The following FLT3 variants were observed in gnomAD, a reference collection of about 807,000 sequenced individuals.
The protein encoded by FLT3 is receptor-type tyrosine-protein kinase FLT3.
Under a neutral mutation model 126.6 loss-of-function variants are expected in FLT3, and 46 were observed. The observed-to-expected ratio is 0.36, with a 90% CI of 0.29 to 0.46. The LOEUF (loss-of-function observed/expected upper bound fraction) is 0.46, where lower values mean the gene tolerates loss of function less well. FLT3 is among the 20% of genes least tolerant of loss of function. The pLI is 1.00. For synonymous variants in FLT3, 404 were observed against 434.4 expected, an observed-to-expected ratio of 0.93 and a Z score of 0.87; for missense variants, 1,069 against 1,190.3, an observed-to-expected ratio of 0.90 and a Z score of 1.50.
intron 23 of FLT3, among the ~76,000 whole-genome samples, chr13:28,011,345 A>AGGGGAGGGGG (rs1871341114): frequency 1.7e-5 from 1 of 57,468 alleles, no homozygotes; most frequent in African/African-American, 6.3e-5. Flanking sequence ...AGGGGAGGGG[A>AGGGGAGGGGG]GGGGAGGGGA....
At chr13:28,047,779 C>T (rs1469972910) in intron 9 of FLT3, among the ~76,000 whole-genome samples, 1 of 151,460 alleles carries the variant, frequency 6.6e-6, no homozygotes, top group Non-Finnish European at 1.5e-5. Context: ...AAGAATCTTG[C>T]ATAGTTTCTC....
At position 28,018,974 on chromosome 13, in the gene FLT3, T is replaced by C. The variant is rs1387766793; in HGVS notation, c.2419-385A>G. ...GAGAAATAGCATCTCTTTTCTTTTTTTTTTTTTTTTGAGACGGAGTTTCAC... is the reference window on the plus strand; with the variant it reads ...GAGAAATAGCATCTCTTTTCTTTTTCTTTTTTTTTTGAGACGGAGTTTCAC... On this transcript the variant is annotated intron_variant, in intron 19 of 23. Coordinates refer to ENST00000241453, the MANE Select transcript of FLT3 (RefSeq NM_004119.3). 1.1e-3 allele frequency among the ~76,000 whole-genome samples: 171 copies of C among 151,066 alleles called. 1 individual carries two copies. The highest frequency in any genetic ancestry group is 3.8e-3 in the African/African-American group (158 of 41,320).
intron 1 of FLT3, among the ~76,000 whole-genome samples, chr13:28,087,879 C>T (rs893270523): frequency 1.3e-5 from 2 of 152,156 alleles, no homozygotes; most frequent in African/African-American, 4.8e-5. Flanking sequence ...TGCTATGTCT[C>T]TTCTTAACAT....
intron 1 of FLT3, among the ~76,000 whole-genome samples, chr13:28,085,269 G>C (rs1326573890): frequency 2.0e-5 from 3 of 147,958 alleles, no homozygotes; most frequent in Admixed American, 7.0e-5. Context: ...ACTTGAGCCG[G>C]GGAGGCAGAG....
Position 28,062,038 on chromosome 13 carries a change from G to C in FLT3, c.197C>G (p.Ala66Gly). 6.2e-7 allele frequency: 1 copy of C among 1,612,480 alleles called. No individual in the cohort carries two copies. The highest frequency in any genetic ancestry group is 1.7e-5 in the Admixed American group (1 of 59,984). Residue 66 changes from alanine to glycine, a missense_variant, in exon 3 of 24, where the codon GCG becomes GGG. Transcript: ENST00000241453. Reference protein sequence around the residue: ...VSESPEDLGCALRPQSSGTVY... With the variant: ...VSESPEDLGCGLRPQSSGTVY... The stretch of plus-strand genomic sequence containing the variant: ...TGTCCCTGAGCTCTGGGGTCTCAAC[G>C]CACACCCGAGGTCTTCCGGGGATTC...
chr13:28,034,072 C>T lies in FLT3; in HGVS notation c.1837+10G>A, dbSNP rs765284994. On this transcript the variant is annotated intron_variant, in intron 14 of 23. Transcript: ENST00000241453. ...ATGCTGCAGAAACATTTGGCACATT[C>T]CATTCTTACCAAACTCTAAATTTTC... 1.4e-5 allele frequency: 22 copies of T among 1,613,670 alleles called. No individual in the cohort carries two copies. In the South Asian group the frequency reaches 1.9e-4, roughly 14 times the overall value.
chr13:28,020,884 C>G (rs367899530), intron 19 of FLT3, among the ~76,000 whole-genome samples: 1 of 151,962 alleles, frequency 6.6e-6, no homozygotes, highest in East Asian at 1.9e-4. Context: ...GACAGTGACA[C>G]GCATGATTCA....
intron 20 of FLT3, among the ~76,000 whole-genome samples, chr13:28,016,667 C>T (rs553355641): frequency 1.3e-5 from 2 of 152,162 alleles, no homozygotes; most frequent in African/African-American, 4.8e-5. Context: ...TAAATGTATG[C>T]AAACTGATGA....
chr13:28,031,206 C>A (rs1394237885), intron 15 of FLT3, among the ~76,000 whole-genome samples: 2 of 151,296 alleles, frequency 1.3e-5, no homozygotes, highest in African/African-American at 2.4e-5. Context: ...CCAGCCTGGG[C>A]GACAGAGTGA....
Position 28,028,260 on chromosome 13 carries a change from T to G in FLT3, c.1971A>C (p.Ala657=), listed in dbSNP as rs1474251469. ...KEKADSSERE[A]LMSELKMMTQ... The stretch of plus-strand genomic sequence containing the variant: ...TCATCATCTTGAGTTCTGACATGAG[T>G]GCCTCTCTTTCAGAGCTGTCTGCTT... The change falls in exon 16 of 24, where the codon GCA becomes GCC. Residue 657 remains alanine (A), a synonymous_variant. Transcript: ENST00000241453. 2 of 1,604,620 alleles carry G rather than the reference T, an allele frequency of 1.2e-6. No homozygotes were observed. Among genetic ancestry groups the G allele is most frequent in the Admixed American group, 3.3e-5 (2 of 59,998 alleles).
intron 9 of FLT3, among the ~76,000 whole-genome samples, chr13:28,047,069 TG>T (rs2137719977): frequency 6.6e-6 from 1 of 152,254 alleles, no homozygotes; most frequent in African/African-American, 2.4e-5. Flanking sequence ...GATCTAGACC[TG>T]TGATAGGAAT....
At chr13:28,016,091 T>C (rs182384571) in intron 20 of FLT3, among the ~76,000 whole-genome samples, 3 of 152,226 alleles carry the variant, frequency 2.0e-5, no homozygotes, top group African/African-American at 7.2e-5. Flanking sequence ...GGAAATGTCA[T>C]CCACAATAAT....
chr13:28,070,790 A>T lies in FLT3; in HGVS notation c.44-178T>A, dbSNP rs142912274. Among the ~76,000 whole-genome samples the T allele has an allele frequency of 1.1e-4, 17 of 152,314 alleles. No individual in the cohort carries two copies. The East Asian group carries it at 3.3e-3, about 29-fold the overall frequency. ...AGTCTAGTTTAAATCAGGAGCAGAG[A>T]TACTTAGAGCAGGGCTGTCCAATAA... On this transcript the variant is annotated intron_variant, in intron 1 of 23. Coordinates refer to ENST00000241453, the MANE Select transcript of FLT3 (RefSeq NM_004119.3).
Position 28,070,598 on chromosome 13 carries a change from T to A in FLT3, c.58A>T (p.Met20Leu). ...QLPLLVVFSAMIFGTITNQDL... is the reference protein window; with the variant it reads ...QLPLLVVFSALIFGTITNQDL... ...TGATTTGTAATAGTCCCAAATATCA[T>A]TGCAGAAAAAACAACTGTAAAACAA... Residue 20 changes from methionine (M) to leucine (L), a missense_variant, in exon 2 of 24, where the codon ATG becomes TTG. Transcript: ENST00000241453. The A allele has an allele frequency of 6.2e-7, 1 of 1,602,504 alleles. No individual in the cohort carries two copies. Among genetic ancestry groups the A allele is most frequent in the South Asian group, 1.1e-5 (1 of 90,690 alleles).
chr13:28,042,220 A>G (rs1874460828), intron 9 of FLT3, among the ~76,000 whole-genome samples: 1 of 149,994 alleles, frequency 6.7e-6, no homozygotes, highest in South Asian at 2.1e-4. Context: ...AGAAAGAAAA[A>G]AAAGTAAAGT....
At chr13:28,012,288 C>A (rs1485735179) in intron 23 of FLT3, among the ~76,000 whole-genome samples, 2 of 152,120 alleles carry the variant, frequency 1.3e-5, no homozygotes, top group South Asian at 2.1e-4. Flanking sequence ...GTTCCTGATA[C>A]CTGACAGGCC....
intron 19 of FLT3, among the ~76,000 whole-genome samples, chr13:28,020,316 T>C (rs1314756237): frequency 6.6e-6 from 1 of 152,180 alleles, no homozygotes; most frequent in African/African-American, 2.4e-5. Context: ...ACACTTATCA[T>C]GCTACAGTGT....
chr13:28,024,348 G>T (rs1429472637), intron 18 of FLT3, among the ~76,000 whole-genome samples: 1 of 151,908 alleles, frequency 6.6e-6, no homozygotes, highest in Admixed American at 6.6e-5. Context: ...GGCCAGGCTG[G>T]TCTTGAACTC....
intron 16 of FLT3, among the ~76,000 whole-genome samples, chr13:28,027,454 C>T (rs2137653416): frequency 6.6e-6 from 1 of 152,334 alleles, no homozygotes; most frequent in South Asian, 2.1e-4. Context: ...TTGACATTCT[C>T]TGTGGCCCTT....
Sources: gnomAD v4.1 joint callset for allele counts (sites outside exome capture counted in the v4.1 genomes callset) on GRCh38, gnomAD v4.1.1 for gene constraint, MANE v1.5 for transcripts, NCBI Gene and HGNC (gene_info 2026-07-23, HGNC 2026-07-21) for gene names.